The following CCND3 variants were observed in gnomAD, a reference collection of about 807,000 sequenced individuals.
CCND3 encodes the protein G1/S-specific cyclin-D3.
In CCND3, 9 loss-of-function variants were observed where a neutral mutation model predicts 28.7. The ratio of observed to expected loss-of-function variants is 0.31; its 90% CI spans 0.19 to 0.55. CCND3 has a LOEUF of 0.55. CCND3 is among the 20% of genes least tolerant of loss of function. CCND3 has a pLI of 0.93. For synonymous variants in CCND3, 164 were observed against 163.9 expected (o/e 1.00, Z 0.00); for missense variants, 315 against 385.8 (o/e 0.82, Z 1.54).
intron 2 of CCND3, among the ~76,000 whole-genome samples, chr6:41,940,151 G>C (rs1408346105): frequency 1.3e-5 from 2 of 152,188 alleles, no homozygotes; most frequent in Non-Finnish European, 1.5e-5. Context: ...CAGGAGGAGG[G>C]GGTTTAATGC....
chr6:41,996,211 A>T (rs1027526382), intron 1 of CCND3, among the ~76,000 whole-genome samples: 1 of 150,288 alleles, frequency 6.7e-6, no homozygotes, highest in Non-Finnish European at 1.5e-5. Context: ...GTGCACTGGC[A>T]TGATCTCGGC....
chr6:42,046,210 C>G (rs1201205687), intron 1 of CCND3, among the ~76,000 whole-genome samples: 1 of 152,136 alleles, frequency 6.6e-6, no homozygotes, highest in Non-Finnish European at 1.5e-5. Context: ...AATTTAAAAG[C>G]GTTTCAGAAA....
chr6:41,936,805 C>A lies in CCND3; in HGVS notation c.575-110G>T. The A allele has an allele frequency of 8.5e-7, 1 of 1,179,014 alleles. No homozygotes were observed. The allele number at this position is 1,179,014 out of a possible 1,614,324, so 73.0% of individuals were successfully genotyped here. A position where few individuals can be genotyped will look rare whatever the true frequency, so the allele number is the denominator to read the frequency against. ...CAGGCAGCATGAGTAGAGCAGAGGA[C>A]ATGCTGGAAAACTCCAGCAGTGGGT... On this transcript the variant is annotated intron_variant, in intron 3 of 4. Coordinates refer to ENST00000372991, the MANE Select transcript of CCND3 (RefSeq NM_001760.5). This position sits in a 1 kb window ranked among gnomAD's most constrained non-coding sequence, Gnocchi z 4.4.
intron 1 of CCND3, among the ~76,000 whole-genome samples, chr6:41,972,241 A>G (rs1459094450): frequency 2.2e-3 from 15 of 6,724 alleles, no homozygotes; most frequent in African/African-American, 5.9e-3. Context: ...AAAAAAAAAA[A>G]AAAGAAAAGA....
Position 41,981,884 on chromosome 6 carries a change from C to T in CCND3, c.-45-41299G>A, listed in dbSNP as rs1762359316. ...GGCACAGTAGCACACACCTGTAGTC[C>T]CAGCTACCCAAAAGGCTGAGGCAGG... On this transcript the variant is annotated intron_variant, in intron 1 of 4. Transcript: ENST00000372988. 5.9e-5 allele frequency among the ~76,000 whole-genome samples: 9 copies of T among 152,074 alleles called. No individual in the cohort carries two copies. The South Asian group carries it at 1.9e-3, about 32-fold the overall frequency.
chr6:42,043,898 G>A (rs1764445355), intron 1 of CCND3, among the ~76,000 whole-genome samples: 1 of 152,192 alleles, frequency 6.6e-6, no homozygotes, highest in Non-Finnish European at 1.5e-5. Context: ...TTTCACCCAG[G>A]GTGGGAGAAC....
intron 1 of CCND3, among the ~76,000 whole-genome samples, chr6:42,022,445 C>A (rs1035694079): frequency 6.6e-6 from 1 of 152,212 alleles, no homozygotes; most frequent in Non-Finnish European, 1.5e-5. Context: ...GAAAATAAAA[C>A]AAACAATCGT....
intron 1 of CCND3, among the ~76,000 whole-genome samples, chr6:41,952,724 G>A (rs1776343303): frequency 6.6e-6 from 1 of 152,190 alleles, no homozygotes; most frequent in Non-Finnish European, 1.5e-5. Flanking sequence ...TGGCAGAGCT[G>A]GGACTCCAAC....
chr6:42,035,141 G>A (rs1372346730), intron 1 of CCND3, among the ~76,000 whole-genome samples: 1 of 152,136 alleles, frequency 6.6e-6, no homozygotes, highest in Admixed American at 6.5e-5. Context: ...GCTCTTCCTG[G>A]AGCACAGGGC....
In CCND3 at chr6:41,935,636, G is replaced by T. The variant is rs1026924424; in HGVS notation, c.*304C>A. 21 of 463,702 alleles carry T rather than the reference G, an allele frequency of 4.5e-5. No individual in the cohort carries two copies. Among genetic ancestry groups the T allele is most frequent in the Non-Finnish European group, 8.1e-5 (21 of 259,152 alleles). The allele number at this position is 463,702 out of a possible 1,614,324, so 28.7% of individuals were successfully genotyped here. A position where few individuals can be genotyped will look rare whatever the true frequency, so the allele number is the denominator to read the frequency against. ...CAGGGGTGGGGGGGGGCGTTCAAAA[G>T]GAATGCTGGTGTATGTATCCAATTC... is the stretch of plus-strand genomic sequence containing the variant. On this transcript the variant is annotated 3_prime_UTR_variant, in exon 5 of 5. Coordinates refer to ENST00000372991, the MANE Select transcript of CCND3 (RefSeq NM_001760.5).
intron 1 of CCND3, among the ~76,000 whole-genome samples, chr6:41,967,042 C>T (rs1761905753): frequency 6.6e-6 from 1 of 152,080 alleles, no homozygotes; most frequent in Admixed American, 6.6e-5. Context: ...AACCATAGGT[C>T]GAAGGCTTCC....
chr6:41,993,824 G>A (rs1275405573), intron 1 of CCND3, among the ~76,000 whole-genome samples: 1 of 151,284 alleles, frequency 6.6e-6, no homozygotes, highest in Non-Finnish European at 1.5e-5. Context: ...TTGGGAGGCT[G>A]AGGCAGGAGA....
At chr6:41,983,151 G>T (rs1762394787) in intron 1 of CCND3, among the ~76,000 whole-genome samples, 1 of 151,272 alleles carries the variant, frequency 6.6e-6, no homozygotes, top group East Asian at 2.0e-4. Flanking sequence ...GCCAAGGCAG[G>T]CTGATCACCT....
At chr6:41,999,240 A>G (rs1404624606) in intron 1 of CCND3, among the ~76,000 whole-genome samples, 1 of 151,848 alleles carries the variant, frequency 6.6e-6, no homozygotes, top group Non-Finnish European at 1.5e-5. Flanking sequence ...TTATAGAACT[A>G]TAGACTTAAG....
chr6:41,990,427 T>G (rs1430809638), intron 1 of CCND3, among the ~76,000 whole-genome samples: 1 of 151,610 alleles, frequency 6.6e-6, no homozygotes, highest in African/African-American at 2.4e-5. Flanking sequence ...ATATTCTTCA[T>G]AGAAATAGAA....
intron 1 of CCND3, among the ~76,000 whole-genome samples, chr6:42,018,879 G>A (rs150909404): frequency 0.016 from 2,033 of 128,556 alleles, 23 homozygotes; most frequent in Non-Finnish European, 0.021. Context: ...CAGCAAGAGC[G>A]AAACTCCATG....
At chr6:42,027,905 A>G (rs918285776) in intron 1 of CCND3, among the ~76,000 whole-genome samples, 2 of 151,666 alleles carry the variant, frequency 1.3e-5, no homozygotes, top group African/African-American at 4.8e-5. Flanking sequence ...CTGCCACCAC[A>G]CCCGGCTAAT....
chr6:42,020,774 G>A (rs1255290452), intron 1 of CCND3, among the ~76,000 whole-genome samples: 2 of 152,032 alleles, frequency 1.3e-5, no homozygotes, highest in Admixed American at 6.6e-5. Flanking sequence ...TTATTGAGAC[G>A]GAGTTTCGCT....
intron 1 of CCND3, among the ~76,000 whole-genome samples, chr6:42,001,126 T>G (rs972093001): frequency 6.9e-6 from 1 of 144,294 alleles, no homozygotes; most frequent in Non-Finnish European, 1.5e-5. Flanking sequence ...TCCCAGCTAC[T>G]GGGGAGGCTG....
Sources: allele counts gnomAD v4.1 joint callset (sites outside exome capture counted in the v4.1 genomes callset), GRCh38; gene constraint gnomAD v4.1.1; non-coding constraint Gnocchi (gnomAD v3.1); transcripts MANE v1.5; gene names NCBI Gene and HGNC (gene_info 2026-07-23, HGNC 2026-07-21).